Variants in PCDH15 observed in about 807,000 individuals in gnomAD.
PCDH15 encodes protocadherin related 15.
A neutral mutation model predicts 178.5 loss-of-function variants in PCDH15; 129 were observed. The ratio of observed to expected loss-of-function variants is 0.72; its 90% confidence interval spans 0.63 to 0.84. The LOEUF is 0.84. PCDH15 is among the 40% of genes least tolerant of loss of function. PCDH15 has a pLI of 0.00. For synonymous variants in PCDH15, 800 were observed against 732.0 expected (o/e 1.09, Z -1.50); for missense variants, 2,230 against 2,099.9 (o/e 1.06, Z -1.21).
chr10:55,280,305 T>C lies in PCDH15; in HGVS notation c.-156+39294A>G, dbSNP rs542991278. On this transcript the variant is annotated intron_variant, in intron 1 of 5. Transcript: ENST00000458638. The stretch of plus-strand genomic sequence containing the variant: ...TTTTTTTTTTTTTTTTGAGACGGTG[T>C]TTTGCTCTGTGACCCAGGCTGGAGT... Among the ~76,000 whole-genome samples, 375 of 136,840 alleles carry C rather than the reference T, an allele frequency of 2.7e-3. 1 individual carries two copies. Among genetic ancestry groups the C allele is most frequent in the African/African-American group, 0.01 (353 of 35,236 alleles). The allele number at this position is 136,840 out of a possible 152,430, so 89.8% of individuals were successfully genotyped here. A position where few individuals can be genotyped will look rare whatever the true frequency, so the allele number is the denominator to read the frequency against.
intron 3 of PCDH15, among the ~76,000 whole-genome samples, chr10:54,855,465 A>T (rs531417345): frequency 1.3e-5 from 2 of 152,292 alleles, no homozygotes; most frequent in African/African-American, 4.8e-5. Flanking sequence ...TTAGAGTAAA[A>T]GATTATGGAC....
At chr10:55,430,677 T>TA (rs1391369209) in intron 2 of PCDH15, among the ~76,000 whole-genome samples, 3 of 152,168 alleles carry the variant, frequency 2.0e-5, no homozygotes, top group East Asian at 1.9e-4. Context: ...CTAAATAAAA[T>TA]AAAAAATGGC....
At chr10:53,893,235 C>T (rs2081704833) in intron 26 of PCDH15, among the ~76,000 whole-genome samples, 1 of 151,998 alleles carries the variant, frequency 6.6e-6, no homozygotes, top group South Asian at 2.1e-4. Context: ...AAATGTAAAA[C>T]TATGATACAT....
At chr10:54,171,421 T>A (rs1323115534) in intron 13 of PCDH15, among the ~76,000 whole-genome samples, 2 of 152,182 alleles carry the variant, frequency 1.3e-5, no homozygotes, top group African/African-American at 4.8e-5. Flanking sequence ...TAGATGCTCC[T>A]TTTTATTAAG....
At chr10:54,999,211 A>C (rs906689164) in intron 2 of PCDH15, among the ~76,000 whole-genome samples, 1 of 152,156 alleles carries the variant, frequency 6.6e-6, no homozygotes, top group Non-Finnish European at 1.5e-5. Flanking sequence ...AATTGATAGG[A>C]CAACCTAGCC....
At chr10:55,521,814 T>A (rs1393801179) in intron 2 of PCDH15, among the ~76,000 whole-genome samples, 1 of 151,868 alleles carries the variant, frequency 6.6e-6, no homozygotes, top group Admixed American at 6.6e-5. Context: ...CCACCGAACA[T>A]CATAGTGTAG....
chr10:54,913,078 T>C (rs753649235), intron 2 of PCDH15, among the ~76,000 whole-genome samples: 10 of 152,114 alleles, frequency 6.6e-5, no homozygotes, highest in Non-Finnish European at 8.8e-5. Flanking sequence ...CGCCTAGCCA[T>C]GTGATAGAAA....
At chr10:55,429,303 G>T (rs184128457) in intron 2 of PCDH15, among the ~76,000 whole-genome samples, 1 of 151,996 alleles carries the variant, frequency 6.6e-6, no homozygotes, top group African/African-American at 2.4e-5. Context: ...GGTCTAAAAC[G>T]TCATTGTTCC....
chr10:54,876,748 A>G (rs1367978672), intron 3 of PCDH15, among the ~76,000 whole-genome samples: 1 of 152,182 alleles, frequency 6.6e-6, no homozygotes, highest in African/African-American at 2.4e-5. Context: ...AGTTGCTTCT[A>G]ATGGATGAAC....
At chr10:54,056,306 G>C (rs1277735262) in intron 18 of PCDH15, among the ~76,000 whole-genome samples, 1 of 152,120 alleles carries the variant, frequency 6.6e-6, no homozygotes, top group African/African-American at 2.4e-5. Flanking sequence ...CACAGTTGCT[G>C]TATTAGTCTG....
Position 54,797,901 on chromosome 10 carries a change from T to TTATACACCA in PCDH15, c.-29+3023_-29+3024insTGGTGTATA, listed in dbSNP as rs554743339. Among the ~76,000 whole-genome samples the TTATACACCA allele has an allele frequency of 3.9e-5, 6 of 152,142 alleles. No individual in the cohort carries two copies. The East Asian group carries it at 1.2e-3, about 30-fold the overall frequency. On this transcript the variant is annotated intron_variant, in intron 1 of 37. Coordinates refer to ENST00000644397, the MANE Select transcript of PCDH15 (RefSeq NM_001384140.1). ...TACATATTCTTCCAAGTCTCTCACT[T>TTATACACCA]CAGTTTATACACCACAGTTGAAAAT... is the stretch of plus-strand genomic sequence containing the variant.
intron 1 of PCDH15, among the ~76,000 whole-genome samples, chr10:55,318,188 T>A (rs1164723642): frequency 6.6e-6 from 1 of 150,834 alleles, no homozygotes; most frequent in African/African-American, 2.4e-5. Context: ...AATTTAACCC[T>A]CGGAAAAAAG....
intron 1 of PCDH15, among the ~76,000 whole-genome samples, chr10:54,715,152 A>G (rs2095465245): frequency 6.6e-6 from 1 of 152,196 alleles, no homozygotes; most frequent in Admixed American, 6.6e-5. Flanking sequence ...TTTCAAGTGC[A>G]ATGCTCGGTT....
chr10:54,243,248 G>A (rs1480328286), intron 8 of PCDH15, among the ~76,000 whole-genome samples: 1 of 152,094 alleles, frequency 6.6e-6, no homozygotes. Context: ...TCAGTGTCAC[G>A]CCTGTAATCC....
chr10:53,968,878 G>T (rs1021160690), intron 21 of PCDH15, among the ~76,000 whole-genome samples: 3 of 152,140 alleles, frequency 2.0e-5, no homozygotes, highest in Non-Finnish European at 4.4e-5. Context: ...ACCAAAGGTA[G>T]ATAAAACCAC....
rs116406543 is a variant in PCDH15, at chr10:55,581,167, G to C, written c.-156+46458C>G. Among the ~76,000 whole-genome samples the C allele has an allele frequency of 4.6e-3, 696 of 152,166 alleles. 5 individuals are homozygous for C. Among genetic ancestry groups the C allele is most frequent in the African/African-American group, 0.016 (663 of 41,524 alleles). ...ATATATAGAGTCAGCAGTGCTTTTA[G>C]GAAAGTAAACATACAGGAGACTTTT... On this transcript the variant is annotated intron_variant, in intron 2 of 5. Transcript: ENST00000613346.
intron 1 of PCDH15, among the ~76,000 whole-genome samples, chr10:55,228,398 G>A (rs1409149501): frequency 1.3e-5 from 2 of 151,886 alleles, no homozygotes; most frequent in African/African-American, 4.8e-5. Context: ...GGAGTAGTAT[G>A]GGGAATGAAT....
At chr10:54,542,441 A>G (rs746291255) in intron 2 of PCDH15, among the ~76,000 whole-genome samples, 17 of 152,190 alleles carry the variant, frequency 1.1e-4, no homozygotes, top group Non-Finnish European at 2.1e-4. Context: ...AGGTTCTACT[A>G]TGAAAGGTGA....
At chr10:54,938,706 C>T (rs938271262) in intron 2 of PCDH15, among the ~76,000 whole-genome samples, 7 of 152,050 alleles carry the variant, frequency 4.6e-5, no homozygotes, top group African/African-American at 1.4e-4. Flanking sequence ...AAAGACTCTG[C>T]AAATATAATT....
Sources: allele counts gnomAD v4.1 joint callset (sites outside exome capture counted in the v4.1 genomes callset), GRCh38; gene constraint gnomAD v4.1.1; transcripts MANE v1.5; gene names NCBI Gene and HGNC (gene_info 2026-07-23, HGNC 2026-07-21).